EGFR: variants seen among roughly 807,000 people sequenced by gnomAD.
The protein encoded by EGFR is avian erythroblastic leukemia viral (v-erb-b) oncogene homolog.
Under a neutral mutation model 143.0 loss-of-function variants are expected in EGFR, and 58 were observed. That is an observed-to-expected ratio of 0.41 (90% CI 0.33 to 0.50). The LOEUF (loss-of-function observed/expected upper bound fraction) is 0.50, where lower values mean the gene tolerates loss of function less well. Among genes scored for constraint, EGFR ranks in the 20% least tolerant of loss-of-function variants. The pLI, the probability that EGFR is intolerant of heterozygous loss-of-function variation, is 0.39. For missense variants in EGFR, 1,307 were observed against 1,579.0 expected, an observed-to-expected ratio of 0.83 and a Z score of 2.92; for synonymous variants, 613 against 594.4, an observed-to-expected ratio of 1.03 and a Z score of -0.45.
At position 55,183,062 on chromosome 7, in the gene EGFR, G is replaced by A. The variant is rs1019648756; in HGVS notation, c.2469+1584G>A. The stretch of plus-strand genomic sequence containing the variant: ...GCCATGCTCCCACAATGGTTCTGAG[G>A]AGGATCCTTCCTGCCTCTCTGGCTT... On this transcript the variant is annotated intron_variant, in intron 20 of 27. Transcript: ENST00000275493. Among the ~76,000 whole-genome samples the A allele has an allele frequency of 8.5e-5, 13 of 152,258 alleles. No homozygotes were observed. In the South Asian group the frequency reaches 2.7e-3, roughly 32 times the overall value.
Position 55,206,148 on chromosome 7 carries a change from GC to G in EGFR, c.*533del. 1 of 289,326 alleles carries G rather than the reference GC, an allele frequency of 3.5e-6. No individual in the cohort carries two copies. Among genetic ancestry groups the G allele is most frequent in the South Asian group, 7.7e-5 (1 of 13,020 alleles). 17.9% of individuals were successfully genotyped at this position (289,326 alleles called of 1,614,324 possible). On this transcript the variant is annotated 3_prime_UTR_variant, in exon 28 of 28. Transcript: ENST00000275493. ...TGCAAAACACTAAAGATCCAAGAAG[GC>G]CTTCATGGCCCCAGCAGGCCGGATC...
chr7:55,190,428 T>G (rs754342936), intron 20 of EGFR, among the ~76,000 whole-genome samples: 1 of 152,182 alleles, frequency 6.6e-6, no homozygotes, highest in Non-Finnish European at 1.5e-5. Flanking sequence ...TAGGTTCTTA[T>G]GATGACTGGT....
At position 55,201,316 on chromosome 7, in the gene EGFR, C is replaced by G. The variant is rs777701385; in HGVS notation, c.3075C>G (p.Ser1025Arg). ...EYLIPQQGFF[S>R]SPSTSRTPLL... ...TCATCCCACAGCAGGGCTTCTTCAGCAGCCCCTCCACGTCACGGACTCCCC... is the reference window on the plus strand; with the variant it reads ...TCATCCCACAGCAGGGCTTCTTCAGGAGCCCCTCCACGTCACGGACTCCCC... The change falls in exon 25 of 28, where the codon AGC (serine) becomes AGG (arginine). Residue 1025 changes from serine to arginine, a missense_variant. Around this residue, in one of 7 missense-constraint regions of EGFR, gnomAD observed 313 missense variants for 312.3 expected, o/e 1.00. Coordinates refer to ENST00000275493, the MANE Select transcript of EGFR (RefSeq NM_005228.5). 3 of 1,613,988 alleles carry G rather than the reference C, an allele frequency of 1.9e-6. No homozygotes were observed. Among genetic ancestry groups the G allele is most frequent in the Non-Finnish European group, 2.5e-6 (3 of 1,180,036 alleles).
intron 20 of EGFR, chr7:55,182,333 A>G (rs2075101): frequency 0.57 from 86,593 of 152,240 alleles, 25,304 homozygotes; most frequent in Middle Eastern, 0.68. Context: ...GAGATGTGCC[A>G]GGGACCAGAG....
At chr7:55,051,678 T>C (rs1270059980) in intron 1 of EGFR, among the ~76,000 whole-genome samples, 2 of 152,142 alleles carry the variant, frequency 1.3e-5, no homozygotes, top group Non-Finnish European at 1.5e-5. Flanking sequence ...CAAGTTAGGG[T>C]ACCAACCTTT....
At chr7:55,147,422 C>G (rs1400121168) in intron 4 of EGFR, among the ~76,000 whole-genome samples, 1 of 151,406 alleles carries the variant, frequency 6.6e-6, no homozygotes, top group Non-Finnish European at 1.5e-5. Context: ...ACTTTCTGTT[C>G]TTTAGAGTAA....
chr7:55,081,721 T>TG (rs893034862), intron 1 of EGFR, among the ~76,000 whole-genome samples: 6 of 100,222 alleles, frequency 6.0e-5, no homozygotes, highest in African/African-American at 1.6e-4. Context: ...TTTAGACTGG[T>TG]TTTTTTTTTT....
chr7:55,111,712 T>C (rs1792502204), intron 1 of EGFR, among the ~76,000 whole-genome samples: 1 of 152,122 alleles, frequency 6.6e-6, no homozygotes, highest in Non-Finnish European at 1.5e-5. Flanking sequence ...AGTGTTTGGA[T>C]GTTATGATAG....
chr7:55,106,014 C>G (rs1380997573), intron 1 of EGFR, among the ~76,000 whole-genome samples: 1 of 152,136 alleles, frequency 6.6e-6, no homozygotes, highest in African/African-American at 2.4e-5. Flanking sequence ...TACTTGAAAA[C>G]AACAAAATTT....
At chr7:55,028,316 T>C (rs1454326071) in intron 1 of EGFR, among the ~76,000 whole-genome samples, 1 of 152,134 alleles carries the variant, frequency 6.6e-6, no homozygotes, top group Non-Finnish European at 1.5e-5. Flanking sequence ...CTGGCATTTG[T>C]ATGTGAAAAA....
At position 55,201,918 on chromosome 7, in the gene EGFR, C is replaced by T. The variant is rs1280308654; in HGVS notation, c.3162+136C>T. ...CTTCCTGTGTGGGTTTTTCCCTGCACGGCTGTCACGCCTCACAGTGCCGTT... is the reference window on the plus strand; with the variant it reads ...CTTCCTGTGTGGGTTTTTCCCTGCATGGCTGTCACGCCTCACAGTGCCGTT... On this transcript the variant is annotated intron_variant, in intron 26 of 27. Coordinates refer to ENST00000275493, the MANE Select transcript of EGFR (RefSeq NM_005228.5). 5.1e-5 allele frequency: 53 copies of T among 1,031,788 alleles called. No homozygotes were observed. In the East Asian group the frequency reaches 1.0e-3, roughly 20 times the overall value. The allele number at this position is 1,031,788 out of a possible 1,614,324, so 63.9% of individuals were successfully genotyped here. A position where few individuals can be genotyped will look rare whatever the true frequency, so the allele number is the denominator to read the frequency against.
chr7:55,057,985 G>A (rs750786059), intron 1 of EGFR, among the ~76,000 whole-genome samples: 8 of 152,180 alleles, frequency 5.3e-5, no homozygotes, highest in Non-Finnish European at 1.0e-4. Context: ...CGAAACAAGA[G>A]CTGCTTTAAT....
At position 55,190,124 on chromosome 7, in the gene EGFR, G is replaced by GC. The variant is rs796749900; in HGVS notation, c.2470-1588dup. Among the ~76,000 whole-genome samples the GC allele has an allele frequency of 1.8e-3, 278 of 152,062 alleles. 1 individual carries two copies. The highest frequency in any genetic ancestry group is 6.5e-3 in the African/African-American group (270 of 41,470). On this transcript the variant is annotated intron_variant, in intron 20 of 27. Transcript: ENST00000275493. ...TTTGGGAAGCGCTTCCTCGGCTTCT[G>GC]CCCCCCCTCTCCTCTCCCTTTCCAC...
intron 20 of EGFR, among the ~76,000 whole-genome samples, chr7:55,183,214 A>T (rs1786973380): frequency 6.6e-6 from 1 of 152,126 alleles, no homozygotes; most frequent in African/African-American, 2.4e-5. Context: ...GATACCAGTC[A>T]TTGAGTTTGA....
chr7:55,170,545 G>A (rs2128950904), intron 15 of EGFR: 1 of 1,613,042 alleles, frequency 6.2e-7, no homozygotes, highest in Non-Finnish European at 8.5e-7. Context: ...CTGCCACTGA[G>A]CCTCATGCCT....
chr7:55,100,324 G>T (rs1307876058), intron 1 of EGFR, among the ~76,000 whole-genome samples: 1 of 152,230 alleles, frequency 6.6e-6, no homozygotes, highest in African/African-American at 2.4e-5. Flanking sequence ...ACTGTCATCA[G>T]ATTGCTCCAA....
chr7:55,117,749 G>A (rs1393645843), intron 1 of EGFR, among the ~76,000 whole-genome samples: 2 of 152,246 alleles, frequency 1.3e-5, no homozygotes, highest in Admixed American at 1.3e-4. Flanking sequence ...GTTTGCATAT[G>A]TGTATGTGAT....
intron 1 of EGFR, among the ~76,000 whole-genome samples, chr7:55,042,475 C>T (rs1462873946): frequency 6.6e-6 from 1 of 152,162 alleles, no homozygotes; most frequent in Non-Finnish European, 1.5e-5. Context: ...GGTTCTGTGA[C>T]CCACATCCTT....
chr7:55,043,115 C>T (rs956377781), intron 1 of EGFR, among the ~76,000 whole-genome samples: 12 of 152,048 alleles, frequency 7.9e-5, no homozygotes, highest in African/African-American at 2.7e-4. Flanking sequence ...TGAGATCGGG[C>T]GCGTTCAAGG....
Sources: gnomAD v4.1 joint callset for allele counts (sites outside exome capture counted in the v4.1 genomes callset) on GRCh38, gnomAD v4.1.1 for gene constraint, gnomAD v4.1.1 regional missense constraint, MANE v1.5 for transcripts, NCBI Gene and HGNC (gene_info 2026-07-23, HGNC 2026-07-21) for gene names.